GBP5: variants seen among roughly 807,000 people sequenced by gnomAD.
GBP5 encodes guanylate binding protein 5, also known as guanylate-binding protein 5.
GBP5 carries 48 observed loss-of-function variants against 58.2 expected under a neutral mutation model. The observed-to-expected ratio is 0.83, with a 90% CI of 0.65 to 1.05. The LOEUF is 1.05. Among genes scored for constraint, GBP5 ranks in the 50% least tolerant of loss-of-function variants. The probability of loss-of-function intolerance (pLI) is 0.00; values close to 1 mark genes in which losing one functional copy is unlikely to be tolerated. For missense variants in GBP5, 714 were observed against 686.8 expected, an observed-to-expected ratio of 1.04 and a Z score of -0.44; for synonymous variants, 248 against 251.8, an observed-to-expected ratio of 0.98 and a Z score of 0.14.
intron 8 of GBP5, 27 bp downstream of exon 8, chr1:89,264,659 C>T: frequency 6.2e-7 from 1 of 1,604,914 alleles, no homozygotes; most frequent in Non-Finnish European, 8.5e-7. Flanking sequence ...GACCTTAATC[C>T]CCATGAACTA....
At position 89,264,590 on chromosome 1, in the gene GBP5, A is replaced by C; in HGVS notation, c.1149+96T>G. The stretch of plus-strand genomic sequence containing the variant: ...GCTATATATTATTATTTTCCAATCT[A>C]GTATTTTTTTTCTTAGCTAAGTCCT... On this transcript the variant is annotated intron_variant, in intron 8 of 11. Coordinates refer to ENST00000370459, the MANE Select transcript of GBP5 (RefSeq NM_052942.5). The C allele has an allele frequency of 4.8e-6, 5 of 1,031,766 alleles. No homozygotes were observed. In the South Asian group the frequency reaches 7.8e-5, roughly 16 times the overall value. 63.9% of individuals were successfully genotyped at this position (1,031,766 alleles called of 1,614,324 possible).
At position 89,268,844 on chromosome 1, in the gene GBP5, G is replaced by C. The variant is rs1650330277; in HGVS notation, c.203C>G (p.Ala68Gly). 3 of 1,613,790 alleles carry C rather than the reference G, an allele frequency of 1.9e-6. No individual in the cohort carries two copies. In the African/African-American group the frequency reaches 4.0e-5, roughly 22 times the overall value. Residue 68 changes from alanine to glycine, a missense_variant, in exon 4 of 12, where the codon GCA (alanine) becomes GGA (glycine). Physicochemically the swap from Ala to Gly is moderately conservative, Grantham distance 60 (BLOSUM62 0). Coordinates refer to ENST00000370459, the MANE Select transcript of GBP5 (RefSeq NM_052942.5). ...CTTGGTGTGAGACTGCACCGTAGAT[G>C]CAACAGAGAAGCCTGTCAGGGGGAG... ...LAGKNKGFSV[A>G]STVQSHTKGI...
At position 89,258,887 on chromosome 1, in the gene GBP5, A is replaced by G. The variant is rs1570407033; in HGVS notation, c.*1817T>C. ...TCTTAAAGCAATTCTTAATCTCCTT[A>G]GGGAAATTCAGTCTTTCTCTATAGA... On this transcript the variant is annotated 3_prime_UTR_variant, in exon 12 of 12. Coordinates refer to ENST00000370459, the MANE Select transcript of GBP5 (RefSeq NM_052942.5). 1 of 152,206 alleles carries G rather than the reference A, an allele frequency of 6.6e-6. No homozygotes were observed. The highest frequency in any genetic ancestry group is 1.9e-4 in the East Asian group (1 of 5,206). The allele number at this position is 152,206 out of a possible 1,614,324, so 9.4% of individuals were successfully genotyped here. A position where few individuals can be genotyped will look rare whatever the true frequency, so the allele number is the denominator to read the frequency against.
chr1:89,267,558 C>G, intron 4 of GBP5, 32 bp from the exon 5 acceptor site: 1 of 1,342,392 alleles, frequency 7.4e-7, no homozygotes, highest in African/African-American at 1.4e-5. Flanking sequence ...AGTCATGTCT[C>G]ATGGGATTCC....
intron 4 of GBP5, among the ~76,000 whole-genome samples, chr1:89,268,499 C>T (rs952342135): frequency 3.9e-5 from 6 of 152,074 alleles, no homozygotes; most frequent in Admixed American, 1.3e-4. Flanking sequence ...TATGCATTTG[C>T]GTTAATTGCC....
Position 89,258,066 on chromosome 1 carries a change from TG to T in GBP5, c.*2637del, listed in dbSNP as rs1482512151. Among the ~76,000 whole-genome samples the T allele has an allele frequency of 3.3e-5, 5 of 152,242 alleles. No individual in the cohort carries two copies. Among genetic ancestry groups the T allele is most frequent in the African/African-American group, 7.2e-5 (3 of 41,462 alleles). On this transcript the variant is annotated 3_prime_UTR_variant, in exon 12 of 12. Transcript: ENST00000370459. Reference sequence around the variant, plus strand: ...ATGTTTACCTTACAGTGCCTTTTCTTGTTCTTTTGCACCCAGTGACAGATCT... The same window carrying T: ...ATGTTTACCTTACAGTGCCTTTTCTTTTCTTTTGCACCCAGTGACAGATCT...
chr1:89,266,847 G>T (rs540503199), intron 6 of GBP5, 110 bp downstream of exon 6: 2 of 688,330 alleles, frequency 2.9e-6, no homozygotes, highest in East Asian at 6.2e-5. Context: ...TAGGAGAGCT[G>T]GGTGAATATA....
Position 89,266,941 on chromosome 1 carries a change from CT to C in GBP5, c.625+15del, listed in dbSNP as rs777950568. The C allele has an allele frequency of 6.5e-7, 1 of 1,543,944 alleles. No homozygotes were observed. Among genetic ancestry groups the C allele is most frequent in the Non-Finnish European group, 8.7e-7 (1 of 1,151,992 alleles). ...TACTTTTTTAAAAATCTTTCTAAAA[CT>C]GAAGTCCCTGTTACCTTGCTTTGGC... is the stretch of plus-strand genomic sequence containing the variant. On this transcript the variant is annotated intron_variant, in intron 6 of 11. Transcript: ENST00000370459.
At position 89,265,055 on chromosome 1, in the gene GBP5, T is replaced by C. The variant is rs569541553; in HGVS notation, c.869-89A>G. ...TTTCTGAGAACGTACATTTAATAGT[T>C]GCATTGCCTGAAATTGTTTAGCATT... On this transcript the variant is annotated intron_variant, in intron 7 of 11. Coordinates refer to ENST00000370459, the MANE Select transcript of GBP5 (RefSeq NM_052942.5). The C allele has an allele frequency of 1.0e-4, 128 of 1,256,682 alleles. 1 individual carries two copies. The East Asian group carries it at 2.7e-3, about 27-fold the overall frequency. The allele number at this position is 1,256,682 out of a possible 1,614,324, so 77.8% of individuals were successfully genotyped here.
chr1:89,272,245 T>G (rs1650488623), intron 1 of GBP5: 1 of 152,234 alleles, frequency 6.6e-6, no homozygotes, highest in Admixed American at 6.5e-5. Context: ...CTTAGTTTAG[T>G]CACCACACAC....
Position 89,262,257 on chromosome 1 carries a change from A to G in GBP5, c.1610T>C (p.Leu537Pro), listed in dbSNP as rs1557500191. 3 of 1,614,074 alleles carry G rather than the reference A, an allele frequency of 1.9e-6. No individual in the cohort carries two copies. The highest frequency in any genetic ancestry group is 2.5e-6 in the Non-Finnish European group (3 of 1,180,018). Reference sequence around the variant, plus strand: ...TTCCTGCATTTTCTGTTGCTCTGCCAGCCAATTTTGTTTGGCTATCTCCAT... The same window carrying G: ...TTCCTGCATTTTCTGTTGCTCTGCCGGCCAATTTTGTTTGGCTATCTCCAT... ...RQMEIAKQNWLAEQQKMQEQQ... is the reference protein window; with the variant it reads ...RQMEIAKQNWPAEQQKMQEQQ... The change falls in exon 11 of 12, where the codon CTG becomes CCG. Residue 537 changes from leucine (L) to proline (P), a missense_variant. Coordinates refer to ENST00000370459, the MANE Select transcript of GBP5 (RefSeq NM_052942.5).
intron 9 of GBP5, 83 bp downstream of exon 9, chr1:89,263,653 T>C (rs1650095027): frequency 4.6e-6 from 4 of 874,754 alleles, no homozygotes; most frequent in East Asian, 2.4e-5. Flanking sequence ...TGTGTGCCTG[T>C]ATACATGGCA....
intron 3 of GBP5, among the ~76,000 whole-genome samples, chr1:89,269,116 T>G (rs925195741): frequency 6.6e-6 from 1 of 152,054 alleles, no homozygotes; most frequent in Non-Finnish European, 1.5e-5. Flanking sequence ...ATTGATGTCT[T>G]ACTCCTTACA....
At chr1:89,271,399 C>T (rs1258797722) in intron 1 of GBP5, 1 of 152,012 alleles carries the variant, frequency 6.6e-6, no homozygotes, top group African/African-American at 2.4e-5. Context: ...TATTTATTAA[C>T]ATCAGTATAA....
chr1:89,268,981 AT>A (rs1253421837), intron 3 of GBP5, 125 bp from the exon 4 acceptor site: 1 of 929,018 alleles, frequency 1.1e-6, no homozygotes. Context: ...ACCAGTATTG[AT>A]TTGAATGATG....
intron 9 of GBP5, 54 bp downstream of exon 9, chr1:89,263,682 G>T: frequency 1.5e-6 from 2 of 1,296,940 alleles, no homozygotes; most frequent in Non-Finnish European, 2.2e-6. Context: ...GTTCTCACTG[G>T]TTTTACAAAG....
rs911160563 is a variant in GBP5, at chr1:89,263,963, A to G, written c.1150-15T>C. On this transcript the variant is annotated splice_polypyrimidine_tract_variant and intron_variant, in intron 8 of 11. Coordinates refer to ENST00000370459, the MANE Select transcript of GBP5 (RefSeq NM_052942.5). ...TCTAGTAGAGTCTTCAAAGAGACAA[A>G]AACCCATGGAAAAGATGTTAGCAAT... is the stretch of plus-strand genomic sequence containing the variant. The G allele has an allele frequency of 6.2e-6, 9 of 1,456,482 alleles. No homozygotes were observed. The highest frequency in any genetic ancestry group is 8.6e-6 in the Non-Finnish European group (9 of 1,041,468). 90.2% of individuals were successfully genotyped at this position (1,456,482 alleles called of 1,614,324 possible). A position where few individuals can be genotyped will look rare whatever the true frequency, so the allele number is the denominator to read the frequency against.
intron 11 of GBP5, among the ~76,000 whole-genome samples, chr1:89,261,791 T>G (rs1257319896): frequency 6.6e-6 from 1 of 152,138 alleles, no homozygotes; most frequent in Non-Finnish European, 1.5e-5. Context: ...CACAGTAACA[T>G]GAAATCAGAT....
intron 11 of GBP5, chr1:89,261,989 A>G: frequency 1.9e-6 from 1 of 539,372 alleles, no homozygotes; most frequent in South Asian, 2.7e-5. Context: ...CCTATAACAT[A>G]GATATCATCA....
Sources: gnomAD v4.1 joint callset for allele counts (sites outside exome capture counted in the v4.1 genomes callset) on GRCh38, gnomAD v4.1.1 for gene constraint, MANE v1.5 for transcripts, NCBI Gene and HGNC (gene_info 2026-07-23, HGNC 2026-07-21) for gene names.